The following KIR3DL2 variants were observed in gnomAD, a reference collection of about 807,000 sequenced individuals.
KIR3DL2 encodes the protein killer cell immunoglobulin-like receptor 3DL2.
Under a neutral mutation model 41.6 loss-of-function variants are expected in KIR3DL2, and 42 were observed. That is an observed-to-expected ratio of 1.01 (90% CI 0.79 to 1.31). The LOEUF is 1.31. KIR3DL2 is among the 50% of genes most tolerant of loss of function. KIR3DL2 has a pLI of 0.00. For synonymous variants in KIR3DL2, 230 were observed against 221.3 expected (o/e 1.04, Z -0.35); for missense variants, 728 against 576.8 (o/e 1.26, Z -2.68).
intron 6 of KIR3DL2, among the ~76,000 whole-genome samples, chr19:54,861,471 C>A (rs1316965427): frequency 1.3e-5 from 2 of 151,756 alleles, no homozygotes; most frequent in Non-Finnish European, 2.9e-5. Flanking sequence ...CATGGAGAAA[C>A]CCTATCTCTA....
Position 54,859,813 on chromosome 19 carries a change from G to A in KIR3DL2, c.1000+684G>A, listed in dbSNP as rs200769041. Among the ~76,000 whole-genome samples, 250 of 151,490 alleles carry A rather than the reference G, an allele frequency of 1.7e-3. 1 individual carries two copies. The highest frequency in any genetic ancestry group is 1.9e-3 in the Non-Finnish European group (126 of 67,768). On this transcript the variant is annotated intron_variant, in intron 6 of 8. Coordinates refer to ENST00000326321, the MANE Select transcript of KIR3DL2 (RefSeq NM_006737.4). The stretch of plus-strand genomic sequence containing the variant: ...CAGCAAGGCTGCCTTCCCTCTGAGG[G>A]TTCCAGGCAAGAATCTGCTTCTCAC...
intron 3 of KIR3DL2, among the ~76,000 whole-genome samples, chr19:54,853,073 G>A (rs113209986): frequency 0.12 from 16,006 of 133,432 alleles, no homozygotes; most frequent in South Asian, 0.21. Context: ...CAACACCACT[G>A]CACTCCAGCC....
intron 5 of KIR3DL2, among the ~76,000 whole-genome samples, chr19:54,858,104 C>G (rs1394582414): frequency 2.0e-5 from 3 of 151,558 alleles, no homozygotes; most frequent in Non-Finnish European, 2.9e-5. Flanking sequence ...TGGGTTGTCT[C>G]TTCACTTTGT....
intron 6 of KIR3DL2, among the ~76,000 whole-genome samples, chr19:54,865,173 T>C (rs1417545443): frequency 2.0e-5 from 3 of 152,054 alleles, no homozygotes; most frequent in Non-Finnish European, 4.4e-5. Context: ...TTGATTTGCA[T>C]ATATTGAACC....
rs747108045 is a variant in KIR3DL2, at chr19:54,866,526, C to T, written c.1163C>T (p.Ser388Phe). The T allele has an allele frequency of 1.2e-5, 20 of 1,614,054 alleles. 1 individual carries two copies. Among genetic ancestry groups the T allele is most frequent in the Middle Eastern group, 1.6e-4 (1 of 6,062 alleles). Residue 388 changes from serine (S) to phenylalanine (F), a missense_variant, in exon 9 of 9, where the codon TCT becomes TTT. Transcript: ENST00000326321. ...AGDRTVNRQD[S>F]DEQDPQEVTY... is the part of the protein sequence containing the mutation. Reference sequence around the variant, plus strand: ...TCAGCATTTCCCTCTCTCCAGGACTCTGATGAACAAGACCCTCAGGAGGTG... The same window carrying T: ...TCAGCATTTCCCTCTCTCCAGGACTTTGATGAACAAGACCCTCAGGAGGTG...
chr19:54,859,805 C>T (rs2065045966), intron 6 of KIR3DL2, among the ~76,000 whole-genome samples: 1 of 152,038 alleles, frequency 6.6e-6, no homozygotes, highest in South Asian at 2.1e-4. Context: ...GCTGCCTTCC[C>T]TCTGAGGGTT....
At chr19:54,853,267 G>T (rs1201851856) in intron 3 of KIR3DL2, among the ~76,000 whole-genome samples, 5 of 151,670 alleles carry the variant, frequency 3.3e-5, no homozygotes, top group African/African-American at 1.2e-4. Flanking sequence ...CCCTATGGAA[G>T]CTGGGGCCAT....
At chr19:54,859,520 A>C (rs1356622231) in intron 6 of KIR3DL2, among the ~76,000 whole-genome samples, 2 of 151,762 alleles carry the variant, frequency 1.3e-5, no homozygotes, top group Admixed American at 6.6e-5. Context: ...GGAATGAATT[A>C]CTGTTGGTCA....
chr19:54,855,830 G>A lies in KIR3DL2; in HGVS notation c.867G>A (p.Gly289=), dbSNP rs763749448. The part of the protein sequence containing the change: ...DFPLGPATHG[G]TYRCFGSFRA... Reference sequence around the variant, plus strand: ...CTCTGGGCCCTGCCACCCACGGAGGGACCTACAGATGCTTCGGCTCTTTCC... The same window carrying A: ...CTCTGGGCCCTGCCACCCACGGAGGAACCTACAGATGCTTCGGCTCTTTCC... Residue 289 remains glycine, a synonymous_variant, in exon 5 of 9, where the codon GGG becomes GGA. Transcript: ENST00000326321. The A allele has an allele frequency of 1.8e-5, 29 of 1,613,384 alleles. No homozygotes were observed. The highest frequency in any genetic ancestry group is 2.2e-5 in the Non-Finnish European group (26 of 1,179,952).
intron 6 of KIR3DL2, among the ~76,000 whole-genome samples, chr19:54,860,894 G>A (rs113169367): frequency 0.039 from 5,020 of 127,376 alleles, 23 homozygotes; most frequent in East Asian, 0.099. Context: ...CTGGGAATGA[G>A]GTGGGGAGAA....
In KIR3DL2 at chr19:54,850,481, G is replaced by T. The variant is rs1251050905; in HGVS notation, c.6G>T (p.Ser2=). 3 of 1,608,872 alleles carry T rather than the reference G, an allele frequency of 1.9e-6. No individual in the cohort carries two copies. In the South Asian group the frequency reaches 3.3e-5, roughly 18 times the overall value. ...CTGTCTGCACCGGCAGCACCATGTC[G>T]CTCACGGTCGTCAGCATGGCGTGCG... M[S]LTVVSMACVG... Residue 2 remains serine (S), a synonymous_variant, in exon 1 of 9, where the codon TCG becomes TCT. Coordinates refer to ENST00000326321, the MANE Select transcript of KIR3DL2 (RefSeq NM_006737.4).
chr19:54,856,027 G>C (rs1601766893), intron 5 of KIR3DL2, 115 bp downstream of exon 5: 1 of 1,309,190 alleles, frequency 7.6e-7, no homozygotes. Flanking sequence ...CGAAGACTGG[G>C]TGTGAGGGGG....
chr19:54,866,283 G>T, intron 7 of KIR3DL2, 87 bp from the exon 8 acceptor site: 1 of 1,395,778 alleles, frequency 7.2e-7, no homozygotes, highest in Non-Finnish European at 1.0e-6. Context: ...GGCACCTACA[G>T]CCTCCCCCTG....
At chr19:54,859,596 C>T (rs1182903516) in intron 6 of KIR3DL2, among the ~76,000 whole-genome samples, 9 of 151,918 alleles carry the variant, frequency 5.9e-5, no homozygotes, top group East Asian at 5.8e-4. Flanking sequence ...AGCTCATGCA[C>T]GCACACTTCG....
intron 6 of KIR3DL2, among the ~76,000 whole-genome samples, chr19:54,860,815 A>G (rs2145685075): frequency 7.2e-6 from 1 of 138,248 alleles, no homozygotes; most frequent in African/African-American, 2.5e-5. Flanking sequence ...TTGCACACAC[A>G]GCTGTCAGCC....
rs1174214596 is a variant in KIR3DL2, at chr19:54,852,257, C to T, written c.330C>T (p.Ser110=). The change falls in exon 3 of 9, where the codon AGC becomes AGT. Residue 110 remains serine, a synonymous_variant. Transcript: ENST00000326321. ...PHSLTGWSAP[S]NPLVIMVTGN... ...CCCTCACTGGGTGGTCGGCACCCAG[C>T]AACCCCCTGGTGATCATGGTCACAG... The T allele has an allele frequency of 6.2e-7, 1 of 1,609,308 alleles. No individual in the cohort carries two copies. The highest frequency in any genetic ancestry group is 1.1e-5 in the South Asian group (1 of 91,024).
chr19:54,852,001 G>T lies in KIR3DL2; in HGVS notation c.74G>T (p.Gly25Val), dbSNP rs2064289730. Residue 25 changes from glycine (G) to valine (V), a missense_variant, in exon 3 of 9, where the codon GGT becomes GTT. Physicochemically the swap from Gly to Val is moderately radical, Grantham distance 109. Transcript: ENST00000326321. ...LLQGAWPLMG[G>V]QDKPFLSARP... The stretch of plus-strand genomic sequence containing the variant: ...GCAGTGCCTCCTTCTCCCCCAGGTG[G>T]TCAGGACAAACCCTTCCTGTCTGCC... The T allele has an allele frequency of 6.2e-7, 1 of 1,609,312 alleles. No individual in the cohort carries two copies.
Position 54,857,898 on chromosome 19 carries a change from G to C in KIR3DL2, c.950-1181G>C, listed in dbSNP as rs759027056. 7.3e-4 allele frequency among the ~76,000 whole-genome samples: 111 copies of C among 151,910 alleles called. 2 individuals are homozygous for C. The highest frequency in any genetic ancestry group is 1.2e-3 in the Non-Finnish European group (85 of 68,014). On this transcript the variant is annotated intron_variant, in intron 5 of 8. Transcript: ENST00000326321. Reference sequence around the variant, plus strand: ...CATCGCGATTGTAATTTACATTTCTGTGATGATGAGTGATGCTGAGCACTT... The same window carrying C: ...CATCGCGATTGTAATTTACATTTCTCTGATGATGAGTGATGCTGAGCACTT...
chr19:54,862,162 C>T (rs539552653), intron 6 of KIR3DL2, among the ~76,000 whole-genome samples: 248 of 152,170 alleles, frequency 1.6e-3, no homozygotes, highest in African/African-American at 5.3e-3. Flanking sequence ...ACATGTGTCT[C>T]GCGAGATCAC....
Sources: gnomAD v4.1 joint callset for allele counts (sites outside exome capture counted in the v4.1 genomes callset) on GRCh38, gnomAD v4.1.1 for gene constraint, MANE v1.5 for transcripts, NCBI Gene and HGNC (gene_info 2026-07-23, HGNC 2026-07-21) for gene names.